The following RBFOX1 variants were observed in gnomAD, a reference collection of about 807,000 sequenced individuals.
RBFOX1 encodes the protein RNA binding fox-1 homolog 1, also known as RNA binding protein fox-1 homolog 1.
In RBFOX1, 8 loss-of-function variants were observed where a neutral mutation model predicts 57.7. The ratio of observed to expected loss-of-function variants is 0.14; its 90% confidence interval spans 0.08 to 0.25. The LOEUF (loss-of-function observed/expected upper bound fraction) is 0.25. RBFOX1 is among the 10% of genes least tolerant of loss of function. The probability of loss-of-function intolerance (pLI) is 1.00; values close to 1 mark genes in which losing one functional copy is unlikely to be tolerated. For synonymous variants in RBFOX1, 326 were observed against 222.4 expected (o/e 1.47, Z -4.15); for missense variants, 611 against 548.5 (o/e 1.11, Z -1.14).
intron 4 of RBFOX1, among the ~76,000 whole-genome samples, chr16:7,307,035 C>T (rs2096205955): frequency 6.6e-6 from 1 of 152,130 alleles, no homozygotes; most frequent in Non-Finnish European, 1.5e-5. Flanking sequence ...TGATAAGTAA[C>T]ACCTTCACTG....
chr16:5,579,760 C>CT (rs113942886), intron 2 of RBFOX1, among the ~76,000 whole-genome samples: 17,629 of 144,272 alleles, frequency 0.12, 2,741 homozygotes, highest in African/African-American at 0.37. Flanking sequence ...TTCTTTCTTT[C>CT]TTTTTTTTTT....
At chr16:7,219,021 G>T (rs1265184821) in intron 4 of RBFOX1, among the ~76,000 whole-genome samples, 1 of 152,192 alleles carries the variant, frequency 6.6e-6, no homozygotes, top group Non-Finnish European at 1.5e-5. Flanking sequence ...AAGAAGAGGT[G>T]AGAAGGGCTC....
At chr16:6,868,943 TAGAGATTTTGGATACATGAGGTG>T (rs2060404343) in intron 3 of RBFOX1, among the ~76,000 whole-genome samples, 1 of 152,140 alleles carries the variant, frequency 6.6e-6, no homozygotes. Flanking sequence ...GCCCTTGCCT[TAGAGATTTTGGATACATGAGGTG>T]AGAGAAACCG....
chr16:6,770,222 G>C (rs150214919), intron 3 of RBFOX1, among the ~76,000 whole-genome samples: 103 of 152,116 alleles, frequency 6.8e-4, no homozygotes, highest in Admixed American at 4.6e-3. Flanking sequence ...AGAATTTTTT[G>C]GGTTATCATC....
intron 3 of RBFOX1, among the ~76,000 whole-genome samples, chr16:6,706,508 T>C (rs1457868025): frequency 6.6e-6 from 1 of 152,208 alleles, no homozygotes; most frequent in African/African-American, 2.4e-5. Flanking sequence ...GATCACTTAC[T>C]TTGCAGCCGT....
At chr16:6,659,484 G>A (rs569781363) in intron 3 of RBFOX1, among the ~76,000 whole-genome samples, 27 of 152,156 alleles carry the variant, frequency 1.8e-4, no homozygotes, top group African/African-American at 5.8e-4. Flanking sequence ...CTTAAGTACC[G>A]CCGAATACTT....
intron 3 of RBFOX1, among the ~76,000 whole-genome samples, chr16:6,926,845 C>T (rs963733628): frequency 1.3e-5 from 2 of 152,134 alleles, no homozygotes; most frequent in African/African-American, 2.4e-5. Context: ...AATACATAAA[C>T]ATCCACGTGA....
chr16:5,764,575 A>C (rs551239211), intron 3 of RBFOX1, among the ~76,000 whole-genome samples: 2 of 152,316 alleles, frequency 1.3e-5, no homozygotes, highest in South Asian at 4.1e-4. Flanking sequence ...AAGAGAGCGC[A>C]ATGGATAGGG....
intron 14 of RBFOX1, among the ~76,000 whole-genome samples, chr16:7,689,302 C>G (rs994783032): frequency 6.6e-6 from 1 of 152,108 alleles, no homozygotes; most frequent in Non-Finnish European, 1.5e-5. Flanking sequence ...CCCAACCAAG[C>G]CTTCCCAGTT....
At chr16:7,155,833 T>G (rs2077008480) in intron 4 of RBFOX1, among the ~76,000 whole-genome samples, 1 of 151,000 alleles carries the variant, frequency 6.6e-6, no homozygotes, top group Non-Finnish European at 1.5e-5. Flanking sequence ...GTGCTCTATA[T>G]AATACCTATA....
At chr16:7,707,778 A>G (rs1042306515) in intron 14 of RBFOX1, among the ~76,000 whole-genome samples, 3 of 152,196 alleles carry the variant, frequency 2.0e-5, no homozygotes, top group African/African-American at 7.2e-5. Flanking sequence ...CATGAAACCC[A>G]TAGGATCAGG....
At chr16:6,479,894 A>G (rs1486652654) in intron 2 of RBFOX1, among the ~76,000 whole-genome samples, 1 of 151,698 alleles carries the variant, frequency 6.6e-6, no homozygotes, top group African/African-American at 2.4e-5. Flanking sequence ...TACTAAAAAT[A>G]CAAAAAATTA....
At chr16:5,400,806 TA>T (rs2041234825) in intron 1 of RBFOX1, among the ~76,000 whole-genome samples, 1 of 152,264 alleles carries the variant, frequency 6.6e-6, no homozygotes, top group South Asian at 2.1e-4. Flanking sequence ...CAGGTCTTTT[TA>T]AAAAAATGTT....
intron 4 of RBFOX1, among the ~76,000 whole-genome samples, chr16:6,011,938 A>G (rs1261725804): frequency 6.6e-6 from 1 of 152,186 alleles, no homozygotes; most frequent in African/African-American, 2.4e-5. Context: ...GTGAACTACA[A>G]TATTTGTAAG....
At chr16:6,797,183 A>C (rs377069247) in intron 3 of RBFOX1, among the ~76,000 whole-genome samples, 121 of 152,334 alleles carry the variant, frequency 7.9e-4, no homozygotes, top group African/African-American at 2.8e-3. Context: ...AGCAAGGATC[A>C]GTCTGAGTCG....
At chr16:6,780,530 TTATA>T (rs1449261154) in intron 3 of RBFOX1, among the ~76,000 whole-genome samples, 2 of 125,682 alleles carry the variant, frequency 1.6e-5, no homozygotes, top group South Asian at 2.5e-4. Context: ...TTATATATAT[TTATA>T]TATACATTTA....
At chr16:5,252,172 C>A (rs927394500) in intron 1 of RBFOX1, among the ~76,000 whole-genome samples, 1 of 152,212 alleles carries the variant, frequency 6.6e-6, no homozygotes, top group Non-Finnish European at 1.5e-5. Context: ...TGGGGACCCT[C>A]ATCACAGCCC....
intron 2 of RBFOX1, among the ~76,000 whole-genome samples, chr16:6,486,017 CT>C (rs200626786): frequency 0.041 from 4,721 of 114,816 alleles, 258 homozygotes; most frequent in African/African-American, 0.13. Flanking sequence ...AATTATTTTT[CT>C]TTTTTTTTTT....
intron 3 of RBFOX1, among the ~76,000 whole-genome samples, chr16:6,813,364 C>A (rs899179202): frequency 6.6e-6 from 1 of 152,168 alleles, no homozygotes; most frequent in East Asian, 1.9e-4. Context: ...GAAGCTGCTG[C>A]TTGTTGCAAT....
Sources: allele counts gnomAD v4.1 joint callset (sites outside exome capture counted in the v4.1 genomes callset), GRCh38; gene constraint gnomAD v4.1.1; transcripts MANE v1.5; gene names NCBI Gene and HGNC (gene_info 2026-07-23, HGNC 2026-07-21).